Variants in RAB3GAP1 observed in about 807,000 individuals in gnomAD.
RAB3GAP1 encodes RAB3 GTPase activating protein catalytic subunit 1.
A neutral mutation model predicts 130.7 loss-of-function variants in RAB3GAP1; 86 were observed. The observed-to-expected ratio is 0.66, with a 90% confidence interval of 0.55 to 0.79. The LOEUF (loss-of-function observed/expected upper bound fraction) is 0.79, where lower values mean the gene tolerates loss of function less well. RAB3GAP1 is among the 30% of genes least tolerant of loss of function. The pLI is 0.00. For missense variants in RAB3GAP1, 1,029 were observed against 1,169.4 expected, an observed-to-expected ratio of 0.88 and a Z score of 1.75; for synonymous variants, 367 against 401.7, an observed-to-expected ratio of 0.91 and a Z score of 1.03.
Position 135,135,313 on chromosome 2 carries a change from A to G in RAB3GAP1, c.1548A>G (p.Lys516=). 1 of 1,604,284 alleles carries G rather than the reference A, an allele frequency of 6.2e-7. No individual in the cohort carries two copies. Among genetic ancestry groups the G allele is most frequent in the Non-Finnish European group, 8.5e-7 (1 of 1,171,170 alleles). The change falls in exon 16 of 24, where the codon AAA becomes AAG. Residue 516 remains lysine (K), a synonymous_variant. Coordinates refer to ENST00000264158, the MANE Select transcript of RAB3GAP1 (RefSeq NM_012233.3). ...PDLRCCLLHQ[K]LQMLNCCIER... ...TGAGGTGTTGTTTACTGCATCAGAA[A>G]CTACAGGTAAAGATTTCTCAATGAC... is the stretch of plus-strand genomic sequence containing the variant.
intron 8 of RAB3GAP1, 73 bp from the exon 9 acceptor site, chr2:135,124,092 T>G: frequency 2.1e-6 from 3 of 1,424,466 alleles, no homozygotes; most frequent in Non-Finnish European, 3.0e-6. Context: ...GCTATGATAT[T>G]CCAAAGGGCT....
intron 23 of RAB3GAP1, chr2:135,167,787 C>T: frequency 8.1e-7 from 1 of 1,235,894 alleles, no homozygotes. Flanking sequence ...GTCATTAACA[C>T]TAACCACCTC....
At position 135,160,972 on chromosome 2, in the gene RAB3GAP1, G is replaced by C. The variant is rs375865721; in HGVS notation, c.2290-1583G>C. Among the ~76,000 whole-genome samples, 134 of 152,208 alleles carry C rather than the reference G, an allele frequency of 8.8e-4. 3 individuals are homozygous for C. In the South Asian group the frequency reaches 0.02, roughly 23 times the overall value. Reference sequence around the variant, plus strand: ...TGCAAGGGATCCAGAACAGAGGAGGGAGACAGGTCATACGTGAATCCAGGT... The same window carrying C: ...TGCAAGGGATCCAGAACAGAGGAGGCAGACAGGTCATACGTGAATCCAGGT... On this transcript the variant is annotated intron_variant, in intron 19 of 23. Coordinates refer to ENST00000264158, the MANE Select transcript of RAB3GAP1 (RefSeq NM_012233.3).
chr2:135,168,888 GT>G lies in RAB3GAP1; in HGVS notation c.*109del. On this transcript the variant is annotated 3_prime_UTR_variant, in exon 24 of 24. Coordinates refer to ENST00000264158, the MANE Select transcript of RAB3GAP1 (RefSeq NM_012233.3). ...GAGGTCCTGGAGAGGGCCCTGTCCA[GT>G]TGGGTGATCAGGAATCAAACCAGCA... 1 of 953,114 alleles carries G rather than the reference GT, an allele frequency of 1.0e-6. No individual in the cohort carries two copies. The highest frequency in any genetic ancestry group is 1.7e-6 in the Non-Finnish European group (1 of 587,476). 59.0% of individuals were successfully genotyped at this position (953,114 alleles called of 1,614,324 possible).
chr2:135,105,464 C>G (rs1178057971), intron 5 of RAB3GAP1, among the ~76,000 whole-genome samples: 3 of 151,218 alleles, frequency 2.0e-5, no homozygotes, highest in African/African-American at 7.3e-5. Context: ...CAGCTCCTAA[C>G]CGCGAGTGAT....
At chr2:135,133,197 CA>C (rs1208594367) in intron 14 of RAB3GAP1, among the ~76,000 whole-genome samples, 1 of 152,090 alleles carries the variant, frequency 6.6e-6, no homozygotes, top group African/African-American at 2.4e-5. Context: ...AAAAATAGCA[CA>C]AATATACTCT....
intron 11 of RAB3GAP1, among the ~76,000 whole-genome samples, chr2:135,129,342 C>T (rs1382273044): frequency 6.6e-6 from 1 of 151,252 alleles, no homozygotes; most frequent in Non-Finnish European, 1.5e-5. Context: ...GTCCCAGCTA[C>T]TTGGGAGGCT....
chr2:135,093,644 C>T lies in RAB3GAP1; in HGVS notation c.313C>T (p.Leu105=). Residue 105 remains leucine (L), a synonymous_variant, in exon 5 of 24, where the codon CTG becomes TTG. Transcript: ENST00000264158. ...DVVPQSMQDL[L]GMNNDFPPRA... is the part of the protein sequence containing the mutation. ...TGTTCCACAATCTATGCAAGATTTG[C>T]TGGGTATGAATAATGACTTTCCTCC... 6.2e-7 allele frequency: 1 copy of T among 1,613,490 alleles called. No individual in the cohort carries two copies. The highest frequency in any genetic ancestry group is 2.2e-5 in the East Asian group (1 of 44,868).
intron 3 of RAB3GAP1, among the ~76,000 whole-genome samples, chr2:135,085,299 T>A (rs1689941905): frequency 6.6e-6 from 1 of 152,186 alleles, no homozygotes; most frequent in Admixed American, 6.5e-5. Context: ...TAATACATAA[T>A]TGGAAATAAA....
At chr2:135,097,035 A>T (rs1690316896) in intron 5 of RAB3GAP1, among the ~76,000 whole-genome samples, 1 of 152,116 alleles carries the variant, frequency 6.6e-6, no homozygotes, top group Non-Finnish European at 1.5e-5. Context: ...AAATCAACGT[A>T]GTAAAATTGG....
chr2:135,133,045 T>A (rs1691591140), intron 14 of RAB3GAP1, 61 bp downstream of exon 14: 1 of 998,776 alleles, frequency 1.0e-6, no homozygotes. Context: ...CTAGAGGTTC[T>A]ATATATTTCT....
chr2:135,079,576 T>C (rs375163648), intron 3 of RAB3GAP1, among the ~76,000 whole-genome samples: 1 of 152,228 alleles, frequency 6.6e-6, no homozygotes, highest in Non-Finnish European at 1.5e-5. Context: ...GGTTGTTTCC[T>C]GAATTTGCTG....
intron 11 of RAB3GAP1, among the ~76,000 whole-genome samples, chr2:135,127,569 C>G (rs540611902): frequency 1.3e-5 from 2 of 152,002 alleles, no homozygotes; most frequent in Non-Finnish European, 2.9e-5. Flanking sequence ...GTCTCGATCT[C>G]CTGACCTCAT....
downstream of RAB3GAP1, among the ~76,000 whole-genome samples, chr2:135,174,505 A>C (rs1180024896): frequency 6.6e-6 from 1 of 152,178 alleles, no homozygotes; most frequent in African/African-American, 2.4e-5. Context: ...CTTTGCTTCC[A>C]TTAAACTTTG....
intron 8 of RAB3GAP1, among the ~76,000 whole-genome samples, chr2:135,121,133 G>A (rs1192164493): frequency 2.0e-5 from 3 of 151,808 alleles, no homozygotes; most frequent in African/African-American, 7.3e-5. Flanking sequence ...CTCTATATTT[G>A]ACAATCTGTC....
downstream of RAB3GAP1, among the ~76,000 whole-genome samples, chr2:135,172,637 G>A (rs577896762): frequency 6.6e-6 from 1 of 152,318 alleles, no homozygotes; most frequent in Admixed American, 6.5e-5. Context: ...GTGAGGGTCT[G>A]AGAGTCAAGG....
intron 3 of RAB3GAP1, among the ~76,000 whole-genome samples, chr2:135,062,693 T>G (rs1231432454): frequency 6.6e-6 from 1 of 152,242 alleles, no homozygotes; most frequent in Non-Finnish European, 1.5e-5. Flanking sequence ...TTAGGTCATC[T>G]TTAATTTTCC....
At chr2:135,126,384 CTA>C (rs1403002034) in intron 10 of RAB3GAP1, 135 bp downstream of exon 10, 2 of 895,628 alleles carry the variant, frequency 2.2e-6, no homozygotes, top group Non-Finnish European at 3.5e-6. Context: ...GTTTTATTGT[CTA>C]AGGACTTTGA....
intron 3 of RAB3GAP1, among the ~76,000 whole-genome samples, chr2:135,059,564 A>T (rs1046660030): frequency 6.6e-6 from 1 of 152,176 alleles, no homozygotes; most frequent in Admixed American, 6.5e-5. Flanking sequence ...TGATAATTTG[A>T]TACATGCATA....
Sources: gnomAD v4.1 joint callset for allele counts (sites outside exome capture counted in the v4.1 genomes callset) on GRCh38, gnomAD v4.1.1 for gene constraint, MANE v1.5 for transcripts, NCBI Gene and HGNC (gene_info 2026-07-23, HGNC 2026-07-21) for gene names.